The following LIPA variants were observed in gnomAD, a reference collection of about 807,000 sequenced individuals.
The protein encoded by LIPA is lipase A, lysosomal acid type.
A neutral mutation model predicts 40.6 loss-of-function variants in LIPA; 26 were observed. That is an observed-to-expected ratio of 0.64 (90% confidence interval 0.47 to 0.89). LIPA has a LOEUF of 0.89. LIPA is among the 40% of genes least tolerant of loss of function. LIPA has a pLI of 0.00. For missense variants in LIPA, 455 were observed against 479.6 expected, an observed-to-expected ratio of 0.95 and a Z score of 0.48; for synonymous variants, 188 against 168.4, an observed-to-expected ratio of 1.12 and a Z score of -0.90.
chr10:89,253,690 G>T (rs966362445), upstream of LIPA, among the ~76,000 whole-genome samples: 1 of 152,182 alleles, frequency 6.6e-6, no homozygotes, highest in Non-Finnish European at 1.5e-5. Context: ...AAAGTCCATA[G>T]TCCAAAGTCT....
chr10:89,382,560 A>G (rs1445493973), intron 2 of LIPA, among the ~76,000 whole-genome samples: 1 of 152,228 alleles, frequency 6.6e-6, no homozygotes, highest in Non-Finnish European at 1.5e-5. Flanking sequence ...GTCCTCCACT[A>G]GGCTTCAGGG....
At chr10:89,307,362 G>C in intron 1 of LIPA, 1 of 1,598,856 alleles carries the variant, frequency 6.3e-7, no homozygotes, top group Non-Finnish European at 8.5e-7. Context: ...GCATCAAGCT[G>C]GAATGGGGAA....
At chr10:89,326,575 A>T (rs886690898) in intron 1 of LIPA, among the ~76,000 whole-genome samples, 3 of 152,224 alleles carry the variant, frequency 2.0e-5, no homozygotes, top group African/African-American at 7.2e-5. Flanking sequence ...TTTCAAAATA[A>T]CTAAAAGAGT....
chr10:89,305,126 T>C (rs1280970391), intron 1 of LIPA, among the ~76,000 whole-genome samples: 2 of 152,162 alleles, frequency 1.3e-5, no homozygotes, highest in Non-Finnish European at 2.9e-5. Flanking sequence ...TTACATTTTA[T>C]TCCAAAATAA....
intron 2 of LIPA, among the ~76,000 whole-genome samples, chr10:89,401,752 T>C (rs74146943): frequency 0.019 from 2,813 of 151,188 alleles, 34 homozygotes; most frequent in African/African-American, 0.035. Context: ...TTTGCAACTT[T>C]CCGTGAATCT....
intron 3 of LIPA, among the ~76,000 whole-genome samples, chr10:89,240,044 C>T (rs190047307): frequency 1.8e-3 from 270 of 152,306 alleles, no homozygotes; most frequent in African/African-American, 5.9e-3. Flanking sequence ...ATCCAAAATT[C>T]TCCCTCAACA....
intron 1 of LIPA, chr10:89,306,785 A>G: frequency 1.2e-6 from 2 of 1,614,176 alleles, no homozygotes; most frequent in Non-Finnish European, 1.7e-6. Context: ...TTTAGAATAC[A>G]TACCAAACAA....
intron 7 of LIPA, among the ~76,000 whole-genome samples, chr10:89,223,421 A>G (rs1226799073): frequency 6.6e-6 from 1 of 152,200 alleles, no homozygotes; most frequent in African/African-American, 2.4e-5. Flanking sequence ...AATTATAAAT[A>G]TTACAGCTTA....
rs1333906332 is a variant in LIPA, at chr10:89,394,619, TATATATATAA to T, written c.61+18162_61+18171del. Among the ~76,000 whole-genome samples, 271 of 29,002 alleles carry T rather than the reference TATATATATAA, an allele frequency of 9.3e-3. 23 individuals are homozygous for T. The highest frequency in any genetic ancestry group is 0.057 in the African/African-American group (225 of 3,926). 19.0% of individuals were successfully genotyped at this position (29,002 alleles called of 152,430 possible). ...ATATATATATATATATATATATATATATATATATAAAACTTGAATTTTATTCAGGTTAGCA... is the reference window on the plus strand; with the variant it reads ...ATATATATATATATATATATATATATAACTTGAATTTTATTCAGGTTAGCA... On this transcript the variant is annotated intron_variant, in intron 2 of 8. Transcript: ENST00000371837.
intron 2 of LIPA, chr10:89,393,295 G>T: frequency 7.8e-7 from 1 of 1,289,278 alleles, no homozygotes; most frequent in Non-Finnish European, 1.0e-6. Context: ...ATCAGGCTGA[G>T]CTTAAGATAA....
chr10:89,414,504 C>G, exon 1 of LIPA: 1 of 395,702 alleles, frequency 2.5e-6, no homozygotes. Flanking sequence ...GGCCGCGGCT[C>G]TTGAGCTCTT....
At chr10:89,329,170 G>C (rs1238391466) in intron 1 of LIPA, among the ~76,000 whole-genome samples, 1 of 152,156 alleles carries the variant, frequency 6.6e-6, no homozygotes, top group Non-Finnish European at 1.5e-5. Context: ...CGACCATTCA[G>C]GGGGGCAGAA....
At chr10:89,392,809 G>A in intron 2 of LIPA, 2 of 1,361,346 alleles carry the variant, frequency 1.5e-6, no homozygotes, top group Non-Finnish European at 2.1e-6. Context: ...TCTCAGTGAG[G>A]TCAGGTTTTC....
At chr10:89,392,256 G>C (rs1200246416) in intron 2 of LIPA, among the ~76,000 whole-genome samples, 1 of 152,046 alleles carries the variant, frequency 6.6e-6, no homozygotes, top group African/African-American at 2.4e-5. Context: ...ACTGAAAATA[G>C]AGCTATCTCC....
intron 1 of LIPA, among the ~76,000 whole-genome samples, chr10:89,275,262 G>A (rs1843284051): frequency 6.6e-6 from 1 of 152,180 alleles, no homozygotes; most frequent in Admixed American, 6.5e-5. Context: ...TTAACTCCTT[G>A]GTGTACCAGA....
At chr10:89,225,347 A>C (rs1589555941) in intron 5 of LIPA, 119 bp from the exon 6 acceptor site, 3 of 1,205,632 alleles carry the variant, frequency 2.5e-6, no homozygotes, top group Non-Finnish European at 3.7e-6. Flanking sequence ...CGCAAACAAT[A>C]CCACCAGCAG....
At chr10:89,403,095 T>C (rs1005566112) in intron 2 of LIPA, 3 of 1,614,168 alleles carry the variant, frequency 1.9e-6, no homozygotes, top group Admixed American at 3.3e-5. Context: ...TCTTGAGTTA[T>C]TAAAAAAGGC....
chr10:89,332,434 G>GT, intron 1 of LIPA: 1 of 1,391,582 alleles, frequency 7.2e-7, no homozygotes. Context: ...CACAGATTCT[G>GT]TTTCAGTTTC....
At chr10:89,252,736 G>A (rs1843145700), upstream of LIPA, among the ~76,000 whole-genome samples, 1 of 150,970 alleles carries the variant, frequency 6.6e-6, no homozygotes, top group Non-Finnish European at 1.5e-5. Flanking sequence ...AACCAGGTAG[G>A]TGGAGGTTGC....
Sources: allele counts gnomAD v4.1 joint callset (sites outside exome capture counted in the v4.1 genomes callset), GRCh38; gene constraint gnomAD v4.1.1; transcripts MANE v1.5; gene names NCBI Gene and HGNC (gene_info 2026-07-23, HGNC 2026-07-21).